The following CFAP58 variants were observed in gnomAD, a reference collection of about 807,000 sequenced individuals.
CFAP58 encodes cilia- and flagella-associated protein 58.
CFAP58 carries 88 observed loss-of-function variants against 119.5 expected under a neutral mutation model. The observed-to-expected ratio is 0.74, with a 90% CI of 0.62 to 0.88. CFAP58 has a LOEUF of 0.88. Ranked by LOEUF, CFAP58 falls within the 40% of genes least tolerant of loss-of-function variation. The pLI, the probability that CFAP58 is intolerant of heterozygous loss-of-function variation, is 0.00. For missense variants in CFAP58, 990 were observed against 1,021.2 expected (o/e 0.97, Z 0.42); for synonymous variants, 365 against 366.3 (o/e 1.00, Z 0.04).
Position 104,380,563 on chromosome 10 carries a change from C to G in CFAP58, c.1365+343C>G, listed in dbSNP as rs149888262. Among the ~76,000 whole-genome samples, 169 of 152,228 alleles carry G rather than the reference C, an allele frequency of 1.1e-3. 1 individual carries two copies. The highest frequency in any genetic ancestry group is 3.8e-3 in the African/African-American group (157 of 41,540). On this transcript the variant is annotated intron_variant, in intron 9 of 17. Transcript: ENST00000369704. Reference sequence around the variant, plus strand: ...ATCTCTCAACTCTCCAGTCTCCGCACCCACCCAGCATCTGTCACTGAAACT... The same window carrying G: ...ATCTCTCAACTCTCCAGTCTCCGCAGCCACCCAGCATCTGTCACTGAAACT...
At chr10:104,350,023 C>T (rs2014441353), upstream of CFAP58, among the ~76,000 whole-genome samples, 1 of 152,176 alleles carries the variant, frequency 6.6e-6, no homozygotes, top group African/African-American at 2.4e-5. Context: ...TACACAGGAC[C>T]TTATTTACTG....
intron 15 of CFAP58, among the ~76,000 whole-genome samples, chr10:104,421,959 G>T (rs2012666704): frequency 6.6e-6 from 1 of 152,226 alleles, no homozygotes; most frequent in South Asian, 2.1e-4. Flanking sequence ...GCCGAGGTGG[G>T]TGGATCACCT....
In CFAP58 at chr10:104,406,834, G is replaced by A. The variant is rs982244070; in HGVS notation, c.2256+41G>A. 8 of 1,441,940 alleles carry A rather than the reference G, an allele frequency of 5.5e-6. No homozygotes were observed. The South Asian group carries it at 8.0e-5, about 14-fold the overall frequency. 89.3% of individuals were successfully genotyped at this position (1,441,940 alleles called of 1,614,324 possible). On this transcript the variant is annotated intron_variant, in intron 15 of 17. Coordinates refer to ENST00000369704, the MANE Select transcript of CFAP58 (RefSeq NM_001008723.2). ...TCTGTACTCATTGTACAAGTCCTTA[G>A]CACCACCATCTCCAGGACTACGTTC...
intron 15 of CFAP58, among the ~76,000 whole-genome samples, chr10:104,435,768 T>C (rs918062206): frequency 3.9e-5 from 6 of 152,336 alleles, no homozygotes; most frequent in African/African-American, 1.4e-4. Context: ...GCTTCAATTA[T>C]CACTGGTATG....
chr10:104,357,968 C>CATATAT (rs1320490810), intron 1 of CFAP58, among the ~76,000 whole-genome samples: 12 of 104,616 alleles, frequency 1.1e-4, no homozygotes, highest in East Asian at 8.4e-4. Flanking sequence ...CATATATGTA[C>CATATAT]ACATATGTAC....
intron 15 of CFAP58, among the ~76,000 whole-genome samples, chr10:104,418,198 G>A (rs145711270): frequency 4.6e-5 from 7 of 152,292 alleles, no homozygotes; most frequent in Non-Finnish European, 1.0e-4. Flanking sequence ...CACAAAGCTG[G>A]CGTTGGTTAC....
intron 15 of CFAP58, among the ~76,000 whole-genome samples, chr10:104,420,028 G>A (rs888667655): frequency 2.6e-5 from 4 of 152,014 alleles, no homozygotes; most frequent in African/African-American, 7.2e-5. Context: ...AGGTTTATGG[G>A]CCCTCAGAAA....
At chr10:104,375,914 C>G (rs938487644) in intron 7 of CFAP58, among the ~76,000 whole-genome samples, 2 of 151,986 alleles carry the variant, frequency 1.3e-5, no homozygotes, top group African/African-American at 4.8e-5. Context: ...CTGTGGAGAC[C>G]AAGTTTTATT....
chr10:104,449,097 G>T (rs755309065), intron 16 of CFAP58, among the ~76,000 whole-genome samples: 9 of 151,658 alleles, frequency 5.9e-5, no homozygotes, highest in Non-Finnish European at 1.0e-4. Flanking sequence ...ACTCTTATAG[G>T]AAATTCCACA....
chr10:104,354,545 C>T (rs1184518369), intron 1 of CFAP58, among the ~76,000 whole-genome samples: 1 of 152,088 alleles, frequency 6.6e-6, no homozygotes, highest in Non-Finnish European at 1.5e-5. Flanking sequence ...CTGCCTGCCC[C>T]TTAGCCCCCT....
intron 2 of CFAP58, among the ~76,000 whole-genome samples, chr10:104,361,251 C>G (rs1275517022): frequency 1.3e-5 from 2 of 152,212 alleles, no homozygotes; most frequent in Non-Finnish European, 1.5e-5. Context: ...GAAGCCAAAG[C>G]TGCATGGGTC....
At position 104,362,076 on chromosome 10, in the gene CFAP58, G is replaced by A; in HGVS notation, c.345G>A (p.Lys115=). 1 of 1,614,092 alleles carries A rather than the reference G, an allele frequency of 6.2e-7. No homozygotes were observed. The highest frequency in any genetic ancestry group is 8.5e-7 in the Non-Finnish European group (1 of 1,179,976). Residue 115 remains lysine (K), a synonymous_variant, in exon 3 of 18, where the codon AAG becomes AAA. Coordinates refer to ENST00000369704, the MANE Select transcript of CFAP58 (RefSeq NM_001008723.2). Reference sequence around the variant, plus strand: ...ACTCAGCCTATGACAAAGAGCAGAAGGCCAAGGAGACGATTCTTGCTCTGA... The same window carrying A: ...ACTCAGCCTATGACAAAGAGCAGAAAGCCAAGGAGACGATTCTTGCTCTGA... ...MVDSAYDKEQ[K]AKETILALKE...
In CFAP58 at chr10:104,392,372, G is replaced by C. The variant is rs896759913; in HGVS notation, c.1505G>C (p.Ser502Thr). ...GTGAGATCAGACAGAAATCTGTATA[G>C]CAAAAATCTGGTTGAGGCTCAGGTA... is the stretch of plus-strand genomic sequence containing the variant. ...EAVRSDRNLY[S>T]KNLVEAQDEI... Residue 502 changes from serine to threonine, a missense_variant, in exon 10 of 18, where the codon AGC (serine) becomes ACC (threonine). Physicochemically the swap from Ser to Thr is moderately conservative, Grantham distance 58 (BLOSUM62 1). Coordinates refer to ENST00000369704, the MANE Select transcript of CFAP58 (RefSeq NM_001008723.2). The C allele has an allele frequency of 6.3e-7, 1 of 1,591,958 alleles. No homozygotes were observed. Among genetic ancestry groups the C allele is most frequent in the South Asian group, 1.2e-5 (1 of 86,604 alleles).
chr10:104,412,457 A>AT (rs1349598264), intron 15 of CFAP58, among the ~76,000 whole-genome samples: 1 of 151,860 alleles, frequency 6.6e-6, no homozygotes, highest in African/African-American at 2.4e-5. Flanking sequence ...GCCTGCTGTG[A>AT]TTTTTCTCAG....
intron 17 of CFAP58, among the ~76,000 whole-genome samples, chr10:104,450,625 A>G (rs1033010328): frequency 1.3e-5 from 2 of 152,256 alleles, no homozygotes; most frequent in African/African-American, 4.8e-5. Context: ...TGTTCTTTCT[A>G]ATGATGCCCC....
At chr10:104,414,427 T>C (rs1161671058) in intron 15 of CFAP58, among the ~76,000 whole-genome samples, 2 of 152,168 alleles carry the variant, frequency 1.3e-5, no homozygotes, top group Non-Finnish European at 2.9e-5. Flanking sequence ...TTGTGATTCC[T>C]TGATAGATGT....
the CFAP58 span, among the ~76,000 whole-genome samples, chr10:104,346,698 C>G: frequency 5.9e-5 from 8 of 134,910 alleles, no homozygotes; most frequent in African/African-American, 1.8e-4. Context: ...TGCAGTGGTG[C>G]GATCTTGGCT....
chr10:104,364,207 G>A (rs2135253208), intron 3 of CFAP58, among the ~76,000 whole-genome samples: 1 of 152,310 alleles, frequency 6.6e-6, no homozygotes, highest in South Asian at 2.1e-4. Flanking sequence ...GTTTATAGCT[G>A]TGATCATAGC....
chr10:104,372,192 A>G (rs1159081933), intron 7 of CFAP58, among the ~76,000 whole-genome samples: 2 of 152,086 alleles, frequency 1.3e-5, no homozygotes, highest in African/African-American at 4.8e-5. Flanking sequence ...GTCTCTACCA[A>G]AAATACAAAA....
Sources: gnomAD v4.1 joint callset for allele counts (sites outside exome capture counted in the v4.1 genomes callset) on GRCh38, gnomAD v4.1.1 for gene constraint, MANE v1.5 for transcripts, NCBI Gene and HGNC (gene_info 2026-07-23, HGNC 2026-07-21) for gene names.